FBXL4: variants seen among roughly 807,000 people sequenced by gnomAD.
The protein encoded by FBXL4 is F-box and leucine rich repeat protein 4.
Under a neutral mutation model 58.9 loss-of-function variants are expected in FBXL4, and 40 were observed. The ratio of observed to expected loss-of-function variants is 0.68; its 90% CI spans 0.53 to 0.88. The LOEUF is 0.88. Among genes scored for constraint, FBXL4 ranks in the 40% least tolerant of loss-of-function variants. FBXL4 has a pLI of 0.00. For missense variants in FBXL4, 676 were observed against 734.4 expected (o/e 0.92, Z 0.92); for synonymous variants, 263 against 265.5 (o/e 0.99, Z 0.09).
At chr6:98,937,365 G>A (rs936291526) in intron 1 of FBXL4, among the ~76,000 whole-genome samples, 2 of 151,740 alleles carry the variant, frequency 1.3e-5, no homozygotes, top group African/African-American at 2.4e-5. Context: ...GGCTACTGTC[G>A]ACCAGAAGGC....
At position 98,869,535 on chromosome 6, in the gene FBXL4, G is replaced by GGGAGGATCGCTTGAGCCTGGGAGAC. The variant is rs1295880459; in HGVS notation, c.*4718_*4742dup. ...TCCCAGGTACTCGGGAGGCCGAGGT[G>GGGAGGATCGCTTGAGCCTGGGAGAC]GGAGGATCGCTTGAGCCTGGGAGAC... On this transcript the variant is annotated 3_prime_UTR_variant, in exon 10 of 10. Transcript: ENST00000369244. The GGGAGGATCGCTTGAGCCTGGGAGAC allele has an allele frequency of 3.3e-5, 5 of 152,580 alleles. No homozygotes were observed. The highest frequency in any genetic ancestry group is 1.2e-4 in the African/African-American group (5 of 41,566). 9.5% of individuals were successfully genotyped at this position (152,580 alleles called of 1,614,324 possible).
chr6:98,934,159 TA>T (rs1251943115), intron 2 of FBXL4, among the ~76,000 whole-genome samples: 2 of 151,926 alleles, frequency 1.3e-5, no homozygotes, highest in African/African-American at 4.8e-5. Context: ...ATTAGAGAGG[TA>T]AAAGAAAGCC....
intron 2 of FBXL4, among the ~76,000 whole-genome samples, chr6:98,932,147 A>G (rs1012697304): frequency 6.6e-6 from 1 of 152,206 alleles, no homozygotes; most frequent in Non-Finnish European, 1.5e-5. Context: ...TTCATTCAAA[A>G]AGCTACTTTA....
chr6:98,882,576 G>A (rs1274900666), intron 7 of FBXL4, among the ~76,000 whole-genome samples: 2 of 151,620 alleles, frequency 1.3e-5, no homozygotes, highest in Non-Finnish European at 2.9e-5. Context: ...ATACAAACAA[G>A]TGTAGGGTCC....
At chr6:98,897,170 T>C (rs964732966) in intron 7 of FBXL4, 2 of 984,796 alleles carry the variant, frequency 2.0e-6, no homozygotes, top group African/African-American at 1.7e-5. Context: ...AAATGAGGCA[T>C]TTAAATCCTC....
At chr6:98,886,212 C>G (rs1420689922) in intron 7 of FBXL4, among the ~76,000 whole-genome samples, 1 of 152,084 alleles carries the variant, frequency 6.6e-6, no homozygotes, top group African/African-American at 2.4e-5. Flanking sequence ...AGATAAATAA[C>G]AGAGTCACTA....
intron 1 of FBXL4, among the ~76,000 whole-genome samples, chr6:98,946,438 C>T (rs1773621482): frequency 6.6e-6 from 1 of 152,096 alleles, no homozygotes; most frequent in Non-Finnish European, 1.5e-5. Context: ...TGTGTTAGAT[C>T]CGCGAAGTTA....
chr6:98,922,965 C>A (rs981340260), intron 4 of FBXL4, among the ~76,000 whole-genome samples: 1 of 152,112 alleles, frequency 6.6e-6, no homozygotes, highest in Non-Finnish European at 1.5e-5. Flanking sequence ...CATGCACATC[C>A]CCCATCTCAT....
chr6:98,917,340 T>C (rs1427490490), intron 5 of FBXL4, 34 bp downstream of exon 5: 1 of 1,405,956 alleles, frequency 7.1e-7, no homozygotes, highest in Non-Finnish European at 9.8e-7. Context: ...TATAGTGTTA[T>C]ATCCAATACT....
At chr6:98,890,977 C>T (rs896389861) in intron 7 of FBXL4, among the ~76,000 whole-genome samples, 8 of 151,984 alleles carry the variant, frequency 5.3e-5, no homozygotes, top group African/African-American at 1.7e-4. Flanking sequence ...ATTTAAAGTA[C>T]TTGAAACTAA....
At chr6:98,900,176 A>G (rs1486879285) in intron 6 of FBXL4, among the ~76,000 whole-genome samples, 1 of 152,190 alleles carries the variant, frequency 6.6e-6, no homozygotes, top group Non-Finnish European at 1.5e-5. Context: ...TTGGGGGAAA[A>G]ATAGTCCTGT....
At position 98,917,379 on chromosome 6, in the gene FBXL4, A is replaced by C. The variant is rs1772399619; in HGVS notation, c.853T>G (p.Tyr285Asp). 2.5e-6 allele frequency: 4 copies of C among 1,597,902 alleles called. No homozygotes were observed. The highest frequency in any genetic ancestry group is 3.4e-6 in the Non-Finnish European group (4 of 1,171,452). The change falls in exon 5 of 10, where the codon TAT (tyrosine) becomes GAT (aspartate). Residue 285 changes from tyrosine to aspartate, a missense_variant. By Grantham distance (160) the Tyr-to-Asp change is radical. Coordinates refer to ENST00000369244, the MANE Select transcript of FBXL4 (RefSeq NM_001278716.2). Reference protein sequence around the residue: ...PNNGYFDKLPYELIQLILNHL... With the variant: ...PNNGYFDKLPDELIQLILNHL... Reference sequence around the variant, plus strand: ...GCTAAATATTTTTGGCTTACCTCATAAGGTAGTTTATCAAAATACCCATTA... The same window carrying C: ...GCTAAATATTTTTGGCTTACCTCATCAGGTAGTTTATCAAAATACCCATTA...
intron 2 of FBXL4, among the ~76,000 whole-genome samples, chr6:98,934,087 G>A (rs1773111102): frequency 6.6e-6 from 1 of 152,130 alleles, no homozygotes; most frequent in Non-Finnish European, 1.5e-5. Flanking sequence ...ACATAAAAGA[G>A]TCTTGACTCT....
At chr6:98,926,455 G>A in intron 4 of FBXL4, 22 bp downstream of exon 4, 1 of 1,571,760 alleles carries the variant, frequency 6.4e-7, no homozygotes. Flanking sequence ...TATAACTTAG[G>A]TCATTAAAAA....
chr6:98,914,435 C>A (rs1401222095), intron 5 of FBXL4, among the ~76,000 whole-genome samples: 1 of 152,184 alleles, frequency 6.6e-6, no homozygotes, highest in Non-Finnish European at 1.5e-5. Flanking sequence ...TACTGGCAAA[C>A]CGAATCCAGC....
At chr6:98,885,851 C>T (rs1367192918) in intron 7 of FBXL4, among the ~76,000 whole-genome samples, 1 of 152,178 alleles carries the variant, frequency 6.6e-6, no homozygotes. Flanking sequence ...TATAAAAAGG[C>T]TGTGGCTCCT....
intron 5 of FBXL4, among the ~76,000 whole-genome samples, chr6:98,908,727 CTT>C (rs879269366): frequency 6.9e-6 from 1 of 145,902 alleles, no homozygotes; most frequent in Non-Finnish European, 1.5e-5. Context: ...ATTTGTGTTT[CTT>C]TTTTTTTTTA....
At chr6:98,917,299 A>T in intron 5 of FBXL4, 75 bp downstream of exon 5, 1 of 995,368 alleles carries the variant, frequency 1.0e-6, no homozygotes, top group South Asian at 2.0e-5. Flanking sequence ...ACCGATGCTC[A>T]GTAAACATTA....
intron 6 of FBXL4, among the ~76,000 whole-genome samples, chr6:98,902,698 G>A (rs1307420520): frequency 2.0e-5 from 3 of 151,872 alleles, no homozygotes; most frequent in Non-Finnish European, 2.9e-5. Context: ...AAAAATGGTA[G>A]GGAAAAAATG....
Sources: gnomAD v4.1 joint callset for allele counts (sites outside exome capture counted in the v4.1 genomes callset) on GRCh38, gnomAD v4.1.1 for gene constraint, MANE v1.5 for transcripts, NCBI Gene and HGNC (gene_info 2026-07-23, HGNC 2026-07-21) for gene names.